CADPS2: variants seen among roughly 807,000 people sequenced by gnomAD.
The protein encoded by CADPS2 is calcium-dependent secretion activator 2.
CADPS2 carries 93 observed loss-of-function variants against 172.5 expected under a neutral mutation model. The ratio of observed to expected loss-of-function variants is 0.54; its 90% CI spans 0.46 to 0.64. The LOEUF is 0.64. CADPS2 is among the 30% of genes least tolerant of loss of function. The pLI is 0.00. For synonymous variants in CADPS2, 546 were observed against 555.2 expected (o/e 0.98, Z 0.23); for missense variants, 1,420 against 1,565.9 (o/e 0.91, Z 1.57).
chr7:122,536,857 A>C (rs567680623), intron 8 of CADPS2, among the ~76,000 whole-genome samples: 87 of 152,254 alleles, frequency 5.7e-4, no homozygotes, highest in African/African-American at 1.6e-3. Flanking sequence ...CTTGGTCACC[A>C]CTGGTCAAAA....
intron 1 of CADPS2, among the ~76,000 whole-genome samples, chr7:122,829,483 T>C (rs1026843549): frequency 6.6e-6 from 1 of 152,174 alleles, no homozygotes; most frequent in African/African-American, 2.4e-5. Context: ...AGATTCCTAC[T>C]CTTGTGTGCA....
chr7:122,734,356 TAAAAAAA>T lies in CADPS2; in HGVS notation c.453+2592_453+2598del, dbSNP rs558421546. 5.6e-4 allele frequency among the ~76,000 whole-genome samples: 26 copies of T among 46,274 alleles called. 1 individual carries two copies. Among genetic ancestry groups the T allele is most frequent in the African/African-American group, 6.3e-4 (7 of 11,118 alleles). The allele number at this position is 46,274 out of a possible 152,430, so 30.4% of individuals were successfully genotyped here. A position where few individuals can be genotyped will look rare whatever the true frequency, so the allele number is the denominator to read the frequency against. On this transcript the variant is annotated intron_variant, in intron 2 of 29. Transcript: ENST00000449022. ...AATAACGATAGCATGCCAGAAATAG[TAAAAAAA>T]AAAAAAAAAAAAAAAAAAAAAAAGA...
chr7:122,375,168 C>T (rs979858698), intron 25 of CADPS2, among the ~76,000 whole-genome samples: 1 of 152,002 alleles, frequency 6.6e-6, no homozygotes, highest in Admixed American at 6.6e-5. Context: ...ATCCTAATGG[C>T]ATTTTTTTTA....
intron 3 of CADPS2, among the ~76,000 whole-genome samples, chr7:122,645,309 ATGTGTG>A (rs1242602402): frequency 8.1e-6 from 1 of 123,946 alleles, no homozygotes; most frequent in African/African-American, 3.0e-5. Flanking sequence ...ACATATGTAC[ATGTGTG>A]TATACATGTA....
At chr7:122,677,055 C>T (rs1266947681) in intron 2 of CADPS2, among the ~76,000 whole-genome samples, 1 of 152,160 alleles carries the variant, frequency 6.6e-6, no homozygotes, top group Non-Finnish European at 1.5e-5. Context: ...CATAGCTTAA[C>T]CATTTGTTCA....
At chr7:122,750,084 CA>C (rs758186756) in intron 1 of CADPS2, among the ~76,000 whole-genome samples, 7 of 151,642 alleles carry the variant, frequency 4.6e-5, no homozygotes, top group Non-Finnish European at 8.8e-5. Flanking sequence ...AAACAATAAA[CA>C]AACTGAAAAA....
chr7:122,325,083 C>T (rs1415911009), intron 29 of CADPS2, among the ~76,000 whole-genome samples: 4 of 152,050 alleles, frequency 2.6e-5, no homozygotes, highest in African/African-American at 9.7e-5. Flanking sequence ...TGAGACTCTC[C>T]TTATTCTTCT....
At chr7:122,648,232 C>T (rs1003070579) in intron 3 of CADPS2, among the ~76,000 whole-genome samples, 6 of 152,078 alleles carry the variant, frequency 3.9e-5, no homozygotes, top group Non-Finnish European at 7.3e-5. Context: ...ATCCTTGTGT[C>T]CACAGAACTC....
At chr7:122,416,756 G>C (rs189081173) in intron 17 of CADPS2, among the ~76,000 whole-genome samples, 2 of 152,320 alleles carry the variant, frequency 1.3e-5, no homozygotes, top group African/African-American at 4.8e-5. Context: ...GAAGGCAGAA[G>C]TGTTCTTTGA....
At chr7:122,729,674 C>A (rs563512827) in intron 2 of CADPS2, among the ~76,000 whole-genome samples, 2 of 108,552 alleles carry the variant, frequency 1.8e-5, no homozygotes, top group South Asian at 3.3e-4. Flanking sequence ...CCATTTTTAA[C>A]GGTTTTTTTT....
intron 8 of CADPS2, among the ~76,000 whole-genome samples, chr7:122,552,608 C>G (rs2064445515): frequency 6.6e-6 from 1 of 151,978 alleles, no homozygotes; most frequent in Admixed American, 6.6e-5. Context: ...AAGGAACTGC[C>G]AGGTAAGAGC....
At position 122,325,548 on chromosome 7, in the gene CADPS2, C is replaced by T. The variant is rs556090965; in HGVS notation, c.3646G>A (p.Val1216Met). Residue 1216 changes from valine (V) to methionine (M), a missense_variant, in exon 29 of 30, where the codon GTG (valine) becomes ATG (methionine). Val to Met is a conservative substitution (Grantham distance 21, BLOSUM62 1). Coordinates refer to ENST00000449022, the MANE Select transcript of CADPS2 (RefSeq NM_017954.11). ...AGGTCTAATCTATCAGTCAACCACA[C>T]GCAAATGACTTTCATGGAACTGCTG... is the stretch of plus-strand genomic sequence containing the variant. ...WYSSSMKVIC[V>M]WLTDRLDLQL... The T allele has an allele frequency of 1.5e-5, 24 of 1,611,198 alleles. No homozygotes were observed. Among genetic ancestry groups the T allele is most frequent in the Admixed American group, 1.2e-4 (7 of 59,720 alleles).
At chr7:122,502,979 A>G (rs1004982889) in intron 9 of CADPS2, among the ~76,000 whole-genome samples, 4 of 152,090 alleles carry the variant, frequency 2.6e-5, no homozygotes, top group African/African-American at 9.7e-5. Flanking sequence ...ATTTCATAAG[A>G]ATATCTTGCT....
At chr7:122,541,742 T>C (rs910110471) in intron 8 of CADPS2, among the ~76,000 whole-genome samples, 3 of 145,850 alleles carry the variant, frequency 2.1e-5, no homozygotes, top group Non-Finnish European at 4.5e-5. Flanking sequence ...TTTATTCATA[T>C]ATTTACATAT....
At chr7:122,356,862 AT>A (rs1353639360) in intron 27 of CADPS2, among the ~76,000 whole-genome samples, 1 of 152,024 alleles carries the variant, frequency 6.6e-6, no homozygotes. Flanking sequence ...TTGCTACAAG[AT>A]GCTCCACGTT....
At chr7:122,796,412 C>T (rs1265980934) in intron 1 of CADPS2, among the ~76,000 whole-genome samples, 1 of 151,960 alleles carries the variant, frequency 6.6e-6, no homozygotes, top group African/African-American at 2.4e-5. Flanking sequence ...GCCAAGGCAA[C>T]CTTAAGCAAA....
At chr7:122,409,881 A>C (rs375844465) in intron 19 of CADPS2, among the ~76,000 whole-genome samples, 3 of 152,234 alleles carry the variant, frequency 2.0e-5, no homozygotes, top group East Asian at 3.8e-4. Flanking sequence ...AAATGCATCC[A>C]TCTACAGGGT....
At chr7:122,353,253 A>G (rs991364711) in intron 27 of CADPS2, among the ~76,000 whole-genome samples, 27 of 152,224 alleles carry the variant, frequency 1.8e-4, no homozygotes, top group Non-Finnish European at 3.4e-4. Context: ...ACCCCATATC[A>G]AGTCTGTGCA....
At chr7:122,716,462 G>T (rs959358097) in intron 2 of CADPS2, among the ~76,000 whole-genome samples, 2 of 152,070 alleles carry the variant, frequency 1.3e-5, no homozygotes, top group African/African-American at 2.4e-5. Flanking sequence ...AAGAGCAGGG[G>T]TAAGGGAGCT....
Sources: allele counts gnomAD v4.1 joint callset (sites outside exome capture counted in the v4.1 genomes callset), GRCh38; gene constraint gnomAD v4.1.1; transcripts MANE v1.5; gene names NCBI Gene and HGNC (gene_info 2026-07-23, HGNC 2026-07-21).